Variants in NECTIN3 observed in about 807,000 individuals in gnomAD.
NECTIN3 encodes the protein nectin cell adhesion molecule 3, also known as nectin-3.
NECTIN3 carries 8 observed loss-of-function variants against 49.4 expected under a neutral mutation model. That is an observed-to-expected ratio of 0.16 (90% CI 0.10 to 0.29). The LOEUF is 0.29. Ranked by LOEUF, NECTIN3 falls within the 10% of genes least tolerant of loss-of-function variation. NECTIN3 has a pLI of 1.00. For missense variants in NECTIN3, 581 were observed against 654.6 expected (o/e 0.89, Z 1.23); for synonymous variants, 277 against 241.1 (o/e 1.15, Z -1.38).
At chr3:111,188,572 T>C (rs2035761374), upstream of NECTIN3, among the ~76,000 whole-genome samples, 1 of 152,202 alleles carries the variant, frequency 6.6e-6, no homozygotes, top group Non-Finnish European at 1.5e-5. Context: ...AAAAGTCTTC[T>C]ACCATGAGAA....
At chr3:111,091,713 T>C (rs1177813792) in intron 1 of NECTIN3, among the ~76,000 whole-genome samples, 1 of 152,236 alleles carries the variant, frequency 6.6e-6, no homozygotes, top group African/African-American at 2.4e-5. Context: ...TTGATAGACA[T>C]TTGGGTTATT....
intron 4 of NECTIN3, among the ~76,000 whole-genome samples, chr3:111,123,456 A>G (rs188486510): frequency 6.6e-6 from 1 of 152,096 alleles, no homozygotes; most frequent in East Asian, 1.9e-4. Flanking sequence ...TGCTCATTAG[A>G]TTCCACTTAG....
intron 7 of NECTIN3, among the ~76,000 whole-genome samples, chr3:111,184,295 G>A (rs114090043): frequency 2.5e-3 from 380 of 152,006 alleles, no homozygotes; most frequent in African/African-American, 8.3e-3. Flanking sequence ...TAATTTCATC[G>A]TATGTCATGT....
chr3:111,089,406 CGTGTGTGTGTGT>C (rs139575444), intron 1 of NECTIN3, among the ~76,000 whole-genome samples: 3 of 146,988 alleles, frequency 2.0e-5, no homozygotes, highest in Admixed American at 1.4e-4. Context: ...CAGCCTTTCT[CGTGTGTGTGTGT>C]GTGTGTGTGT....
chr3:111,132,327 A>T (rs937369780), intron 5 of NECTIN3, among the ~76,000 whole-genome samples: 1 of 151,884 alleles, frequency 6.6e-6, no homozygotes, highest in African/African-American at 2.4e-5. Flanking sequence ...TTTTTACCAC[A>T]TTCTATACAT....
intron 5 of NECTIN3, among the ~76,000 whole-genome samples, chr3:111,128,714 G>A (rs1367878292): frequency 1.3e-5 from 2 of 152,008 alleles, no homozygotes; most frequent in Non-Finnish European, 2.9e-5. Context: ...ATCAATACCA[G>A]CTCTTCCATT....
chr3:111,153,606 G>T (rs959801221), intron 7 of NECTIN3, among the ~76,000 whole-genome samples: 2 of 151,962 alleles, frequency 1.3e-5, no homozygotes, highest in African/African-American at 4.8e-5. Context: ...TATTTAAAAA[G>T]CTGTATAATT....
intron 7 of NECTIN3, among the ~76,000 whole-genome samples, chr3:111,155,289 A>T (rs1252644455): frequency 6.6e-6 from 1 of 152,190 alleles, no homozygotes; most frequent in Non-Finnish European, 1.5e-5. Context: ...ATTATATGAT[A>T]ACAATGTAGT....
chr3:111,112,467 T>A (rs1318730083), intron 2 of NECTIN3, 96 bp downstream of exon 2: 1 of 825,162 alleles, frequency 1.2e-6, no homozygotes, highest in East Asian at 2.9e-5. Flanking sequence ...TGATTTAACT[T>A]TAGGTTTAAA....
chr3:111,101,720 T>C (rs2032916865), intron 1 of NECTIN3, among the ~76,000 whole-genome samples: 1 of 152,174 alleles, frequency 6.6e-6, no homozygotes, highest in Non-Finnish European at 1.5e-5. Flanking sequence ...AAACCTAATT[T>C]AATTTAAATT....
chr3:111,147,214 T>C (rs1293218497), intron 6 of NECTIN3, among the ~76,000 whole-genome samples: 1 of 152,204 alleles, frequency 6.6e-6, no homozygotes, highest in African/African-American at 2.4e-5. Flanking sequence ...CACCAATGTT[T>C]ACTTTTATTT....
chr3:111,119,212 T>C (rs1034312764), intron 3 of NECTIN3, among the ~76,000 whole-genome samples: 9 of 152,212 alleles, frequency 5.9e-5, no homozygotes, highest in African/African-American at 2.2e-4. Context: ...TAGGGAGTTA[T>C]GGCAACTTGT....
chr3:111,160,769 A>C (rs921071579), intron 7 of NECTIN3, among the ~76,000 whole-genome samples: 3 of 152,352 alleles, frequency 2.0e-5, no homozygotes, highest in Admixed American at 1.3e-4. Context: ...GCACTTTGGG[A>C]GGCTGAGGCA....
chr3:111,072,903 C>T (rs2030891672), intron 1 of NECTIN3: 1 of 209,930 alleles, frequency 4.8e-6, no homozygotes, highest in Non-Finnish European at 9.6e-6. Context: ...AACAGTCACG[C>T]GCCTGTTTCC....
At chr3:111,095,604 G>A (rs975033868) in intron 1 of NECTIN3, among the ~76,000 whole-genome samples, 1 of 152,118 alleles carries the variant, frequency 6.6e-6, no homozygotes, top group Non-Finnish European at 1.5e-5. Flanking sequence ...GTTTGGTGGT[G>A]TCCTCACCCA....
intron 2 of NECTIN3, among the ~76,000 whole-genome samples, chr3:111,116,584 A>G (rs141957956): frequency 2.4e-3 from 362 of 152,156 alleles, no homozygotes; most frequent in African/African-American, 8.3e-3. Context: ...AGCAGAACCA[A>G]ATTTAAGGAA....
At chr3:111,180,020 A>G (rs1576183586) in intron 7 of NECTIN3, among the ~76,000 whole-genome samples, 1 of 152,298 alleles carries the variant, frequency 6.6e-6, no homozygotes, top group East Asian at 1.9e-4. Flanking sequence ...TTAACAGACA[A>G]AATTTCAAAT....
intron 5 of NECTIN3, among the ~76,000 whole-genome samples, chr3:111,131,467 G>A (rs2034388175): frequency 6.6e-6 from 1 of 151,898 alleles, no homozygotes; most frequent in Non-Finnish European, 1.5e-5. Context: ...TATTTCCATT[G>A]CTTAAAATGC....
At chr3:111,128,761 T>A (rs1178763208) in intron 5 of NECTIN3, among the ~76,000 whole-genome samples, 2 of 152,194 alleles carry the variant, frequency 1.3e-5, no homozygotes, top group Non-Finnish European at 2.9e-5. Flanking sequence ...CTTCAACTCT[T>A]CTACTACTAC....
Sources: allele counts gnomAD v4.1 joint callset (sites outside exome capture counted in the v4.1 genomes callset), GRCh38; gene constraint gnomAD v4.1.1; transcripts MANE v1.5; gene names NCBI Gene and HGNC (gene_info 2026-07-23, HGNC 2026-07-21).